Variants in POLN observed in about 807,000 individuals in gnomAD.
POLN encodes DNA polymerase nu.
Under a neutral mutation model 113.5 loss-of-function variants are expected in POLN, and 108 were observed. That is an observed-to-expected ratio of 0.95 (90% CI 0.81 to 1.12). POLN has a LOEUF of 1.12. POLN is among the 50% of genes most tolerant of loss of function. POLN has a pLI of 0.00. For synonymous variants in POLN, 386 were observed against 391.5 expected (o/e 0.99, Z 0.17); for missense variants, 1,097 against 1,077.1 (o/e 1.02, Z -0.26).
Position 2,072,172 on chromosome 4 carries a change from C to T in POLN, c.2645G>A (p.Gly882Glu), listed in dbSNP as rs763585530. The stretch of plus-strand genomic sequence containing the variant: ...TGGGGGCTGGGTGCTGGCAGGGGAC[C>T]CAGGGGCAGCCAGGCTGTTGCTGGG... ...ESPSNSLAAP[G>E]SPASTQPPPL... The change falls in exon 26 of 26, where the codon GGG (glycine) becomes GAG (glutamate). Residue 882 changes from glycine (G) to glutamate (E), a missense_variant. Gly to Glu is a moderately conservative substitution (Grantham distance 98, BLOSUM62 -2). Coordinates refer to ENST00000511885, the MANE Select transcript of POLN (RefSeq NM_181808.4). 6.2e-7 allele frequency: 1 copy of T among 1,611,612 alleles called. No homozygotes were observed. The highest frequency in any genetic ancestry group is 8.5e-7 in the Non-Finnish European group (1 of 1,178,934).
At chr4:2,101,243 C>T (rs138597323) in intron 19 of POLN, among the ~76,000 whole-genome samples, 4 of 152,046 alleles carry the variant, frequency 2.6e-5, no homozygotes, top group African/African-American at 9.6e-5. Flanking sequence ...ACAAACAATA[C>T]AAACCATACT....
chr4:2,204,109 CAAAAAAAAA>C (rs566255148), intron 5 of POLN, among the ~76,000 whole-genome samples: 5 of 53,236 alleles, frequency 9.4e-5, no homozygotes, highest in South Asian at 8.7e-4. Flanking sequence ...AACTCTATCA[CAAAAAAAAA>C]AAAAAAAAAA....
At chr4:2,089,572 C>A (rs1333976753) in intron 20 of POLN, 39 of 1,081,710 alleles carry the variant, frequency 3.6e-5, no homozygotes, top group Non-Finnish European at 4.8e-5. Flanking sequence ...AGAAACACTT[C>A]CAACTTCAGT....
chr4:2,241,016 A>C, intron 2 of POLN: 1 of 1,216,816 alleles, frequency 8.2e-7, no homozygotes, highest in South Asian at 1.4e-5. Context: ...AAATAAATCC[A>C]AGCAGAAAAA....
intron 6 of POLN, among the ~76,000 whole-genome samples, chr4:2,196,328 C>G (rs115154623): frequency 2.0e-3 from 308 of 152,234 alleles, no homozygotes; most frequent in Non-Finnish European, 3.8e-3. Context: ...GCAAAACAAG[C>G]TGGACCCAAA....
intron 16 of POLN, among the ~76,000 whole-genome samples, chr4:2,155,528 C>T (rs1732402659): frequency 6.6e-6 from 1 of 152,168 alleles, no homozygotes; most frequent in Non-Finnish European, 1.5e-5. Flanking sequence ...ACCATCTATG[C>T]AAATGCCTGG....
intron 3 of POLN, chr4:2,228,333 A>C (rs138839317): frequency 1.4e-3 from 347 of 243,136 alleles, no homozygotes; most frequent in Non-Finnish European, 2.4e-3. Context: ...ATTTGTGAGC[A>C]TATCACTGCT....
At chr4:2,118,952 G>A (rs779550494) in intron 19 of POLN, among the ~76,000 whole-genome samples, 1 of 152,200 alleles carries the variant, frequency 6.6e-6, no homozygotes, top group Non-Finnish European at 1.5e-5. Flanking sequence ...TTGCTTAGGA[G>A]TGACATGTCA....
intron 19 of POLN, among the ~76,000 whole-genome samples, chr4:2,097,040 G>A (rs1306941561): frequency 6.6e-6 from 1 of 152,184 alleles, no homozygotes; most frequent in African/African-American, 2.4e-5. Context: ...AGAGCTTTCA[G>A]TGCTTCATTG....
intron 6 of POLN, among the ~76,000 whole-genome samples, chr4:2,197,786 A>G (rs1340009865): frequency 6.6e-6 from 1 of 152,220 alleles, no homozygotes; most frequent in Non-Finnish European, 1.5e-5. Flanking sequence ...TGAAGCATGG[A>G]CAGGCTAGTA....
chr4:2,240,165 T>G, intron 2 of POLN: 1 of 1,614,052 alleles, frequency 6.2e-7, no homozygotes, highest in Non-Finnish European at 8.5e-7. Context: ...TCTAGCCATC[T>G]CTAGTCGTCT....
At chr4:2,081,921 C>T (rs965361391) in intron 21 of POLN, among the ~76,000 whole-genome samples, 178 bp from the exon 22 acceptor site, 5 of 142,612 alleles carry the variant, frequency 3.5e-5, no homozygotes, top group East Asian at 4.0e-4. Context: ...AGTGGGAAAG[C>T]GAGGGTCTGA....
At chr4:2,232,265 T>G (rs1734609318) in intron 2 of POLN, 1 of 526,288 alleles carries the variant, frequency 1.9e-6, no homozygotes, top group Non-Finnish European at 3.3e-6. Flanking sequence ...ACTTAATAAC[T>G]TCCCGCAATT....
chr4:2,087,867 G>A (rs1048049943), intron 20 of POLN, among the ~76,000 whole-genome samples: 2 of 151,826 alleles, frequency 1.3e-5, no homozygotes, highest in African/African-American at 4.8e-5. Context: ...GTGTCTTGCT[G>A]TGTTACCCAG....
chr4:2,154,806 C>T (rs909145717), intron 16 of POLN, among the ~76,000 whole-genome samples: 12 of 152,110 alleles, frequency 7.9e-5, no homozygotes, highest in Non-Finnish European at 1.6e-4. Context: ...AAATGACCAT[C>T]AATAGGGGCA....
At chr4:2,212,945 G>A in intron 4 of POLN, 102 bp downstream of exon 4, 1 of 591,990 alleles carries the variant, frequency 1.7e-6, no homozygotes, top group Non-Finnish European at 2.6e-6. Flanking sequence ...TTTTTTTAAG[G>A]TGTGGTATCT....
At chr4:2,135,530 T>G (rs1731833879) in intron 16 of POLN, among the ~76,000 whole-genome samples, 1 of 152,212 alleles carries the variant, frequency 6.6e-6, no homozygotes, top group South Asian at 2.1e-4. Context: ...CAGAGTGCCG[T>G]CCCTAACGCC....
chr4:2,199,107 C>G (rs1159005528), intron 5 of POLN, among the ~76,000 whole-genome samples: 1 of 152,066 alleles, frequency 6.6e-6, no homozygotes, highest in Non-Finnish European at 1.5e-5. Context: ...GAACCAAGAT[C>G]AAAGCACAGA....
intron 19 of POLN, among the ~76,000 whole-genome samples, chr4:2,109,427 A>G (rs1289410038): frequency 6.6e-6 from 1 of 152,238 alleles, no homozygotes; most frequent in Non-Finnish European, 1.5e-5. Context: ...CACTTATTAA[A>G]CTTTATTTAA....
Sources: allele counts gnomAD v4.1 joint callset (sites outside exome capture counted in the v4.1 genomes callset), GRCh38; gene constraint gnomAD v4.1.1; transcripts MANE v1.5; gene names NCBI Gene and HGNC (gene_info 2026-07-23, HGNC 2026-07-21).